Variants in FLT1 observed in about 807,000 individuals in gnomAD.
The protein encoded by FLT1 is fms related receptor tyrosine kinase 1, also known as vascular endothelial growth factor receptor 1.
A neutral mutation model predicts 156.3 loss-of-function variants in FLT1; 49 were observed. That is an observed-to-expected ratio of 0.31 (90% confidence interval 0.25 to 0.40). The LOEUF (loss-of-function observed/expected upper bound fraction) is 0.40. FLT1 is among the 10% of genes least tolerant of loss of function. The probability of loss-of-function intolerance (pLI) is 1.00; values close to 1 mark genes in which losing one functional copy is unlikely to be tolerated. For missense variants in FLT1, 1,322 were observed against 1,637.2 expected, an observed-to-expected ratio of 0.81 and a Z score of 3.32; for synonymous variants, 594 against 583.8, an observed-to-expected ratio of 1.02 and a Z score of -0.25.
rs191491576 is a variant in FLT1, at chr13:28,381,281, G to A, written c.2116+3604C>T. Among the ~76,000 whole-genome samples the A allele has an allele frequency of 3.9e-5, 6 of 152,316 alleles. No homozygotes were observed. In the East Asian group the frequency reaches 1.2e-3, roughly 29 times the overall value. Reference sequence around the variant, plus strand: ...TACAGAACTTAGCACAGTTGGCCCTGTGCGGTGGGTCACACCTGTAATCCC... The same window carrying A: ...TACAGAACTTAGCACAGTTGGCCCTATGCGGTGGGTCACACCTGTAATCCC... On this transcript the variant is annotated intron_variant, in intron 14 of 29. Coordinates refer to ENST00000282397, the MANE Select transcript of FLT1 (RefSeq NM_002019.4).
intron 10 of FLT1, among the ~76,000 whole-genome samples, chr13:28,419,723 C>A (rs746526885): frequency 1.3e-5 from 2 of 152,094 alleles, no homozygotes; most frequent in Non-Finnish European, 2.9e-5. Flanking sequence ...ACTAAAATTA[C>A]AAAAAATTAG....
At chr13:28,309,884 C>CTTTTTTTTT (rs60568918) in intron 27 of FLT1, among the ~76,000 whole-genome samples, 8 of 90,874 alleles carry the variant, frequency 8.8e-5, no homozygotes, top group Non-Finnish European at 1.6e-4. Flanking sequence ...TTCTTTTTTC[C>CTTTTTTTTT]TTTTTTTTTT....
intron 14 of FLT1, among the ~76,000 whole-genome samples, chr13:28,374,537 A>G (rs1158487039): frequency 1.3e-5 from 2 of 151,562 alleles, no homozygotes; most frequent in African/African-American, 4.8e-5. Flanking sequence ...ATTGAGATGG[A>G]GTCTCGCTCT....
intron 17 of FLT1, among the ~76,000 whole-genome samples, chr13:28,335,366 T>A (rs114311965): frequency 0.01 from 1,551 of 152,250 alleles, 28 homozygotes; most frequent in African/African-American, 0.036. Context: ...ACCCGTCTGA[T>A]AATGTGCCTT....
chr13:28,377,871 A>G (rs1253079706), intron 14 of FLT1, among the ~76,000 whole-genome samples: 1 of 152,194 alleles, frequency 6.6e-6, no homozygotes, highest in Non-Finnish European at 1.5e-5. Context: ...TCTTCAAGAG[A>G]CTTAATCTTT....
At chr13:28,351,499 C>T (rs1872733995) in intron 15 of FLT1, among the ~76,000 whole-genome samples, 1 of 152,192 alleles carries the variant, frequency 6.6e-6, no homozygotes, top group African/African-American at 2.4e-5. Context: ...TCCAGGTAAC[C>T]TTACTTACTA....
chr13:28,433,687 C>T, intron 6 of FLT1, 132 bp downstream of exon 6: 1 of 862,654 alleles, frequency 1.2e-6, no homozygotes, highest in East Asian at 2.6e-5. Context: ...AAACCAAACC[C>T]AAAGCTTCTT....
rs1871844470 is a variant in FLT1, at chr13:28,329,708, A to G, written c.2614T>C (p.Tyr872His). ...MLKEGATASE[Y>H]KALMTELKIL... Reference sequence around the variant, plus strand: ...TTTAGCTCAGTCATCAGAGCTTTGTACTCGCTGGCCGTGGCCCCCTCTGTG... The same window carrying G: ...TTTAGCTCAGTCATCAGAGCTTTGTGCTCGCTGGCCGTGGCCCCCTCTGTG... Residue 872 changes from tyrosine to histidine, a missense_variant, in exon 19 of 30, where the codon TAC becomes CAC. Tyr to His is a moderately conservative substitution (Grantham distance 83). Transcript: ENST00000282397. 6.2e-7 allele frequency: 1 copy of G among 1,613,886 alleles called. No individual in the cohort carries two copies. Among genetic ancestry groups the G allele is most frequent in the Non-Finnish European group, 8.5e-7 (1 of 1,179,984 alleles).
intron 13 of FLT1, chr13:28,385,716 T>G: frequency 1.0e-6 from 1 of 963,986 alleles, no homozygotes; most frequent in Non-Finnish European, 1.3e-6. Context: ...AACATACAAA[T>G]ATGATACAAT....
intron 11 of FLT1, among the ~76,000 whole-genome samples, chr13:28,401,462 T>A (rs567659676): frequency 2.0e-5 from 3 of 152,314 alleles, no homozygotes; most frequent in African/African-American, 7.2e-5. Context: ...TCCCCTTCAC[T>A]AAGCATTAGT....
At chr13:28,461,330 G>A (rs949007646) in intron 3 of FLT1, among the ~76,000 whole-genome samples, 1 of 152,126 alleles carries the variant, frequency 6.6e-6, no homozygotes, top group African/African-American at 2.4e-5. Flanking sequence ...CAACTAGCTC[G>A]TAGTTTGATG....
chr13:28,357,022 A>G (rs754715510), intron 15 of FLT1, among the ~76,000 whole-genome samples: 1 of 152,244 alleles, frequency 6.6e-6, no homozygotes, highest in African/African-American at 2.4e-5. Flanking sequence ...CTTAAATGTC[A>G]TCTGTTGATT....
At chr13:28,412,385 T>TTTCTTTCTTTCTTTCTTTCTTTCCTTCC (rs1593762430) in intron 10 of FLT1, among the ~76,000 whole-genome samples, 16 of 85,014 alleles carry the variant, frequency 1.9e-4, no homozygotes, top group Admixed American at 5.6e-4. Context: ...TCTTTCTTTC[T>TTTCTTTCTTTCTTTCTTTCTTTCCTTCC]TTCTTTCTTT....
Position 28,321,484 on chromosome 13 carries a change from G to A in FLT1, c.3153C>T (p.Pro1051=), listed in dbSNP as rs55931889. 95 of 1,613,890 alleles carry A rather than the reference G, an allele frequency of 5.9e-5. No individual in the cohort carries two copies. Among genetic ancestry groups the A allele is most frequent in the Non-Finnish European group, 7.6e-5 (90 of 1,179,972 alleles). The part of the protein sequence containing the change: ...FGLARDIYKN[P]DYVRKGDTRL... ...TTACATCTCCTTTTCTCACATAATCGGGGTTCTTATAAATATCCCGGGCAA... is the reference window on the plus strand; with the variant it reads ...TTACATCTCCTTTTCTCACATAATCAGGGTTCTTATAAATATCCCGGGCAA... Residue 1051 remains proline (P), a synonymous_variant, in exon 23 of 30, where the codon CCC becomes CCT. Transcript: ENST00000282397.
chr13:28,445,149 A>G (rs1878539258), intron 3 of FLT1, among the ~76,000 whole-genome samples: 1 of 152,194 alleles, frequency 6.6e-6, no homozygotes, highest in Admixed American at 6.5e-5. Context: ...ACAAGCCAAG[A>G]AAAAAAGAGA....
intron 14 of FLT1, among the ~76,000 whole-genome samples, chr13:28,374,089 C>T (rs1873739797): frequency 1.3e-5 from 2 of 152,066 alleles, no homozygotes; most frequent in African/African-American, 4.8e-5. Context: ...TGAAAAAGTT[C>T]TGTAACTAGA....
intron 1 of FLT1, among the ~76,000 whole-genome samples, chr13:28,492,890 G>A (rs1881546775): frequency 6.6e-6 from 1 of 151,970 alleles, no homozygotes; most frequent in Non-Finnish European, 1.5e-5. Context: ...TTAACTGTTA[G>A]GTAAAGAGGT....
At chr13:28,313,360 C>A (rs1871082437) in intron 25 of FLT1, among the ~76,000 whole-genome samples, 1 of 152,170 alleles carries the variant, frequency 6.6e-6, no homozygotes, top group Non-Finnish European at 1.5e-5. Flanking sequence ...TACCTACCGC[C>A]CTCTCTGAAA....
intron 13 of FLT1, chr13:28,387,441 G>T (rs774486229): frequency 9.5e-7 from 1 of 1,057,400 alleles, no homozygotes; most frequent in Non-Finnish European, 1.1e-6. Context: ...ATGGAAGTAG[G>T]TAGTGGCTTT....
Sources: allele counts gnomAD v4.1 joint callset (sites outside exome capture counted in the v4.1 genomes callset), GRCh38; gene constraint gnomAD v4.1.1; transcripts MANE v1.5; gene names NCBI Gene and HGNC (gene_info 2026-07-23, HGNC 2026-07-21).